The following DRC11 variants were observed in gnomAD, a reference collection of about 807,000 sequenced individuals.
The protein encoded by DRC11 is IQ and AAA domain-containing protein 1.
chr2:236,438,834 C>T, the DRC11 span, among the ~76,000 whole-genome samples: 4 of 152,058 alleles, frequency 2.6e-5, no homozygotes, highest in African/African-American at 4.8e-5. Context: ...CTCTCCTCAG[C>T]GAACGTAAAA....
chr2:236,460,840 C>T, the DRC11 span, among the ~76,000 whole-genome samples: 1 of 152,094 alleles, frequency 6.6e-6, no homozygotes, highest in Admixed American at 6.5e-5. The surrounding 1 kb of genome is among the most constrained non-coding windows in gnomAD (Gnocchi z 4.0). Flanking sequence ...CTGCAACCTC[C>T]ACCTCCCAGG....
At chr2:236,357,612 T>C in the DRC11 span, among the ~76,000 whole-genome samples, 21 of 122,998 alleles carry the variant, frequency 1.7e-4, no homozygotes, top group African/African-American at 6.3e-4. Context: ...AATATATATT[T>C]ATAAATATAT....
chr2:236,347,593 T>G, the DRC11 span, among the ~76,000 whole-genome samples: 22 of 150,240 alleles, frequency 1.5e-4, no homozygotes, highest in South Asian at 4.6e-3. Context: ...TGGATGAGAT[T>G]GGAGACTATT....
At chr2:236,333,247 CA>C in the DRC11 span, 1 of 151,372 alleles carries the variant, frequency 6.6e-6, no homozygotes, top group East Asian at 1.9e-4. The surrounding 1 kb of genome is among the most constrained non-coding windows in gnomAD (Gnocchi z 6.0). Context: ...ATTAAAACAT[CA>C]ATTACAAAAG....
At chr2:236,416,478 T>C in the DRC11 span, among the ~76,000 whole-genome samples, 1 of 151,664 alleles carries the variant, frequency 6.6e-6, no homozygotes, top group Non-Finnish European at 1.5e-5. Flanking sequence ...TGCCAGTGAA[T>C]TGGGTTGTGC....
the DRC11 span, among the ~76,000 whole-genome samples, chr2:236,427,258 C>A: frequency 6.6e-6 from 1 of 152,006 alleles, no homozygotes; most frequent in Non-Finnish European, 1.5e-5. This position sits in a 1 kb window ranked among gnomAD's most constrained non-coding sequence, Gnocchi z 5.9. Context: ...CAGTATCTTG[C>A]CTGGTTTTGG....
chr2:236,433,935 A>G, the DRC11 span, among the ~76,000 whole-genome samples: 2 of 152,232 alleles, frequency 1.3e-5, no homozygotes, highest in African/African-American at 4.8e-5. Flanking sequence ...ATCTATTCCA[A>G]TTTTGTAGAG....
the DRC11 span, among the ~76,000 whole-genome samples, chr2:236,352,570 A>T: frequency 6.6e-6 from 1 of 152,196 alleles, no homozygotes; most frequent in African/African-American, 2.4e-5. The surrounding 1 kb of genome is among the most constrained non-coding windows in gnomAD (Gnocchi z 7.0). Context: ...GTGGAAAAGC[A>T]GTGTTCTTTA....
the DRC11 span, among the ~76,000 whole-genome samples, chr2:236,447,648 T>C: frequency 3.3e-5 from 5 of 152,252 alleles, no homozygotes; most frequent in Admixed American, 1.3e-4. The surrounding 1 kb of genome is among the most constrained non-coding windows in gnomAD (Gnocchi z 4.6). Flanking sequence ...TCCCGCACTT[T>C]GTGTTCCTGG....
the DRC11 span, among the ~76,000 whole-genome samples, chr2:236,399,639 T>G: frequency 6.6e-6 from 1 of 151,956 alleles, no homozygotes; most frequent in South Asian, 2.1e-4. The surrounding 1 kb of genome is among the most constrained non-coding windows in gnomAD (Gnocchi z 7.0). Flanking sequence ...AAGTATGGAG[T>G]GCTGTGTCCA....
the DRC11 span, among the ~76,000 whole-genome samples, chr2:236,473,847 T>C: frequency 6.6e-6 from 1 of 152,182 alleles, no homozygotes; most frequent in African/African-American, 2.4e-5. This position sits in a 1 kb window ranked among gnomAD's most constrained non-coding sequence, Gnocchi z 4.8. Context: ...TGCATGATGA[T>C]GTCTCTTGCT....
chr2:236,491,854 T>C, the DRC11 span, among the ~76,000 whole-genome samples: 9 of 152,168 alleles, frequency 5.9e-5, no homozygotes, highest in Admixed American at 5.2e-4. Flanking sequence ...ATGGGTGCTA[T>C]GGTTTAAACG....
the DRC11 span, among the ~76,000 whole-genome samples, chr2:236,433,399 C>A: frequency 3.4e-4 from 52 of 152,168 alleles, no homozygotes; most frequent in African/African-American, 1.2e-3. Context: ...GCATGATATG[C>A]TTTTCCATTT....
the DRC11 span, among the ~76,000 whole-genome samples, chr2:236,334,222 G>A: frequency 1.5e-4 from 23 of 152,276 alleles, no homozygotes; most frequent in African/African-American, 4.8e-4. The surrounding 1 kb of genome is among the most constrained non-coding windows in gnomAD (Gnocchi z 7.8). Context: ...TCAAAGAATC[G>A]CTTCTATTGC....
At chr2:236,486,862 T>C in the DRC11 span, 1 of 1,611,078 alleles carries the variant, frequency 6.2e-7, no homozygotes, top group Non-Finnish European at 8.5e-7. The surrounding 1 kb of genome is among the most constrained non-coding windows in gnomAD (Gnocchi z 5.7). Flanking sequence ...CTTCTCTCAG[T>C]TTTTCAGTTT....
At chr2:236,408,099 A>T in the DRC11 span, 1 of 629,852 alleles carries the variant, frequency 1.6e-6, no homozygotes, top group South Asian at 1.4e-5. This position sits in a 1 kb window ranked among gnomAD's most constrained non-coding sequence, Gnocchi z 5.5. Context: ...TGGTCACTTC[A>T]CCATATGGGA....
At chr2:236,335,025 G>C in the DRC11 span, among the ~76,000 whole-genome samples, 75 of 152,258 alleles carry the variant, frequency 4.9e-4, no homozygotes, top group African/African-American at 1.8e-3. The surrounding 1 kb of genome is among the most constrained non-coding windows in gnomAD (Gnocchi z 5.6). Flanking sequence ...AGGAGAGATT[G>C]AATGATGTTT....
chr2:236,326,792 T>TG, the DRC11 span, among the ~76,000 whole-genome samples: 2 of 143,996 alleles, frequency 1.4e-5, no homozygotes, highest in African/African-American at 5.2e-5. Flanking sequence ...TTCAGATTTG[T>TG]TGTGTGTGTG....
At chr2:236,494,735 T>C in the DRC11 span, among the ~76,000 whole-genome samples, 11 of 152,134 alleles carry the variant, frequency 7.2e-5, no homozygotes, top group African/African-American at 2.7e-4. The surrounding 1 kb of genome is among the most constrained non-coding windows in gnomAD (Gnocchi z 4.2). Context: ...TAAGTAAACA[T>C]TTAAGCCTAA....
Sources: allele counts gnomAD v4.1 joint callset (sites outside exome capture counted in the v4.1 genomes callset), GRCh38; gene constraint gnomAD v4.1.1; non-coding constraint Gnocchi (gnomAD v3.1); transcripts MANE v1.5; gene names NCBI Gene and HGNC (gene_info 2026-07-23, HGNC 2026-07-21).